Variants in SPTBN5 observed in about 807,000 individuals in gnomAD.
The protein encoded by SPTBN5 is spectrin beta, non-erythrocytic 5.
SPTBN5 carries 513 observed loss-of-function variants against 477.6 expected under a neutral mutation model. The ratio of observed to expected loss-of-function variants is 1.07; its 90% CI spans 1.00 to 1.16. The LOEUF (loss-of-function observed/expected upper bound fraction) is 1.16. Ranked by LOEUF, SPTBN5 falls within the 50% of genes most tolerant of loss-of-function variation. The pLI, the probability that SPTBN5 is intolerant of heterozygous loss-of-function variation, is 0.00. For missense variants in SPTBN5, 5,062 were observed against 4,731.8 expected (o/e 1.07, Z -2.05); for synonymous variants, 2,169 against 2,011.7 (o/e 1.08, Z -2.09).
chr15:41,882,232 G>GGCCCCCCCCCCCCCCCCCCCCCCCCCCC, intron 11 of SPTBN5, 37 bp downstream of exon 11: 1 of 1,254,138 alleles, frequency 8.0e-7, no homozygotes. Flanking sequence ...GCCTCGCCGG[G>GGCCCCCCCCCCCCCCCCCCCCCCCCCCC]CCCCGCCCCC....
chr15:41,864,805 G>T (rs1290432941), intron 39 of SPTBN5, among the ~76,000 whole-genome samples: 1 of 152,244 alleles, frequency 6.6e-6, no homozygotes, highest in East Asian at 1.9e-4. Flanking sequence ...CCACCGCAGG[G>T]TGTGATTGCA....
chr15:41,886,238 G>A lies in SPTBN5; in HGVS notation c.1017C>T (p.Pro339=), dbSNP rs778870377. ...LEARDFPDSL[P]AMRQLLAAFT... is the part of the protein sequence containing the mutation. ...ATGCTGCCAGTAGCTGCCGCATGGC[G>A]GGCAGCGAGTCTGGAAAATCCCGCG... Residue 339 remains proline (P), a synonymous_variant, in exon 7 of 68, where the codon CCC becomes CCT. Coordinates refer to ENST00000320955, the MANE Select transcript of SPTBN5 (RefSeq NM_016642.4). 74 of 1,613,004 alleles carry A rather than the reference G, an allele frequency of 4.6e-5. No homozygotes were observed. The highest frequency in any genetic ancestry group is 4.1e-4 in the South Asian group (37 of 91,094).
chr15:41,879,634 C>G, intron 15 of SPTBN5, 100 bp downstream of exon 15: 1 of 1,587,956 alleles, frequency 6.3e-7, no homozygotes, highest in Admixed American at 1.7e-5. Flanking sequence ...TCGGACACGT[C>G]CAGCCTCTCC....
rs2066938314 is a variant in SPTBN5 at position 41,881,194 on chromosome 15, T to A, written c.2498A>T (p.Asn833Ile). Residue 833 changes from asparagine to isoleucine, a missense_variant, in exon 13 of 68, where the codon AAC becomes ATC. Transcript: ENST00000320955. ...GGAAGCCTCACTCCAGGGCCCTGGG[T>A]TCCTCAGGCTTTCTCCTGGAGGGCT... is the stretch of plus-strand genomic sequence containing the variant. Reference protein sequence around the residue: ...ALSPPGESLRNPGPWSEASCH... With the variant: ...ALSPPGESLRIPGPWSEASCH... 1.9e-6 allele frequency: 3 copies of A among 1,612,368 alleles called. No individual in the cohort carries two copies. The highest frequency in any genetic ancestry group is 2.7e-5 in the African/African-American group (2 of 75,012).
Position 41,876,123 on chromosome 15 carries a change from G to A in SPTBN5, c.4113C>T (p.Ala1371=). The A allele has an allele frequency of 6.3e-7, 1 of 1,599,804 alleles. No individual in the cohort carries two copies. Among genetic ancestry groups the A allele is most frequent in the South Asian group, 1.1e-5 (1 of 91,020 alleles). Residue 1371 remains alanine, a synonymous_variant, in exon 21 of 68, where the codon GCC becomes GCT. Transcript: ENST00000320955. The part of the protein sequence containing the change: ...ELLATRRHVE[A]LQQVGRELLS... The stretch of plus-strand genomic sequence containing the variant: ...GTCCCGTGTCCCCCACCTGCTGCAG[G>A]GCCTCCACGTGTCTGCGGGTGGCGA...
intron 47 of SPTBN5, among the ~76,000 whole-genome samples, chr15:41,859,853 C>A (rs1414386963): frequency 6.6e-6 from 1 of 152,198 alleles, no homozygotes; most frequent in Non-Finnish European, 1.5e-5. Context: ...GCCAGGACAC[C>A]AGCACAAGGA....
intron 50 of SPTBN5, 35 bp downstream of exon 50, chr15:41,857,538 C>G (rs1213541239): frequency 6.2e-7 from 1 of 1,603,834 alleles, no homozygotes; most frequent in South Asian, 1.1e-5. Flanking sequence ...TGTCCTGGAG[C>G]CCGGCCAGCC....
Position 41,851,149 on chromosome 15 carries a change from T to C in SPTBN5, c.10745A>G (p.Lys3582Arg), listed in dbSNP as rs755412286. The change falls in exon 65 of 68, where the codon AAA (lysine) becomes AGA (arginine). Residue 3582 changes from lysine (K) to arginine (R), a missense_variant and splice_region_variant. Physicochemically the swap from Lys to Arg is conservative, Grantham distance 26. Coordinates refer to ENST00000320955, the MANE Select transcript of SPTBN5 (RefSeq NM_016642.4). Reference sequence around the variant, plus strand: ...GTCAAGGAGGGCTATGGAAGCTACTTTCTGAGGAGAGATGAGAGGCAGGGG... The same window carrying C: ...GTCAAGGAGGGCTATGGAAGCTACTCTCTGAGGAGAGATGAGAGGCAGGGG... ...LFLDERMAAE[K>R]VASIALLDLT... The C allele has an allele frequency of 3.7e-6, 6 of 1,612,818 alleles. No individual in the cohort carries two copies. In the South Asian group the frequency reaches 6.6e-5, roughly 18 times the overall value.
chr15:41,887,804 T>C (rs2067201756), intron 5 of SPTBN5, 124 bp downstream of exon 5: 2 of 1,026,346 alleles, frequency 1.9e-6, no homozygotes, highest in Non-Finnish European at 2.8e-6. Flanking sequence ...CAGCCCTTTC[T>C]ACATCTGTGT....
At chr15:41,890,764 A>C (rs898411719) in intron 3 of SPTBN5, among the ~76,000 whole-genome samples, 76 of 152,310 alleles carry the variant, frequency 5.0e-4, no homozygotes, top group African/African-American at 1.6e-3. Flanking sequence ...CACTTGAACA[A>C]CACCTTGGGT....
At chr15:41,878,737 C>T in intron 16 of SPTBN5, 108 bp from the exon 17 acceptor site, 1 of 1,259,086 alleles carries the variant, frequency 7.9e-7, no homozygotes, top group Non-Finnish European at 1.1e-6. Context: ...GGTGCTGACT[C>T]TCAATGCCCA....
chr15:41,866,116 G>GC lies in SPTBN5; in HGVS notation c.6743dup (p.Gln2249ProfsTer34), dbSNP rs1453748038. 9 of 1,557,490 alleles carry GC rather than the reference G, an allele frequency of 5.8e-6. No individual in the cohort carries two copies. Among genetic ancestry groups the GC allele is most frequent in the Non-Finnish European group, 7.8e-6 (9 of 1,151,500 alleles). The stretch of plus-strand genomic sequence containing the variant: ...AGTTCCGCCTGTCCTCCAGCTCCTG[G>GC]CCCCTGAGGGCCATTGCCTGCCTCA... On this transcript the variant is annotated frameshift_variant, in exon 38 of 68. Coordinates refer to ENST00000320955, the MANE Select transcript of SPTBN5 (RefSeq NM_016642.4). LOFTEE classifies it high-confidence loss of function.
intron 33 of SPTBN5, 41 bp downstream of exon 33, chr15:41,868,357 G>A (rs531495757): frequency 4.4e-6 from 7 of 1,581,206 alleles, no homozygotes; most frequent in Middle Eastern, 2.0e-4. Flanking sequence ...CACAGGCTTG[G>A]TCAGCTAGGG....
chr15:41,893,304 T>C lies in SPTBN5; in HGVS notation c.194A>G (p.Asn65Ser). 6.2e-7 allele frequency: 1 copy of C among 1,614,016 alleles called. No individual in the cohort carries two copies. Among genetic ancestry groups the C allele is most frequent in the Non-Finnish European group, 8.5e-7 (1 of 1,179,898 alleles). Residue 65 changes from asparagine (N) to serine (S), a missense_variant, in exon 2 of 68, where the codon AAT (asparagine) becomes AGT (serine). By Grantham distance (46) the Asn-to-Ser change is conservative. Coordinates refer to ENST00000320955, the MANE Select transcript of SPTBN5 (RefSeq NM_016642.4). ...CACCTGGCCGCACTGGAAGACGTTA[T>C]TGATCCACTTGGTGAAAGTCTTCTC... ...MQEKTFTKWI[N>S]NVFQCGQAGI...
intron 7 of SPTBN5, among the ~76,000 whole-genome samples, chr15:41,883,925 G>A (rs1238080452): frequency 2.0e-5 from 3 of 151,988 alleles, no homozygotes; most frequent in African/African-American, 7.3e-5. Context: ...TGAGTAGCTG[G>A]GATTACAGGC....
intron 41 of SPTBN5, 71 bp downstream of exon 41, chr15:41,863,633 C>A: frequency 8.0e-7 from 1 of 1,252,724 alleles, no homozygotes; most frequent in Admixed American, 1.7e-5. Flanking sequence ...GCATGGGAGA[C>A]TCTAGGCAGT....
Position 41,852,724 on chromosome 15 carries a change from T to TGACACTGA in SPTBN5, c.10351_10358dup (p.Asp3454GlnfsTer15), listed in dbSNP as rs960233507. ...GTCTGTGCAGCAGCAACTCCACATC[T>TGACACTGA]GACACTGAGTGCTGGGGAGAAGCAT... On this transcript the variant is annotated frameshift_variant, in exon 61 of 68. Coordinates refer to ENST00000320955, the MANE Select transcript of SPTBN5 (RefSeq NM_016642.4). LOFTEE classifies it high-confidence loss of function. The TGACACTGA allele has an allele frequency of 6.2e-7, 1 of 1,611,884 alleles. No individual in the cohort carries two copies. The highest frequency in any genetic ancestry group is 1.3e-5 in the African/African-American group (1 of 74,624).
intron 41 of SPTBN5, among the ~76,000 whole-genome samples, chr15:41,863,392 G>T (rs2066184005): frequency 6.6e-6 from 1 of 152,234 alleles, no homozygotes; most frequent in South Asian, 2.1e-4. Flanking sequence ...GGCTTCCTCA[G>T]GGATGGGAGG....
At chr15:41,854,418 G>A (rs931750841) in intron 56 of SPTBN5, among the ~76,000 whole-genome samples, 3 of 143,760 alleles carry the variant, frequency 2.1e-5, no homozygotes, top group Admixed American at 1.4e-4. Flanking sequence ...GGAGGGTGGG[G>A]AGAGGAGAGG....
Sources: allele counts gnomAD v4.1 joint callset (sites outside exome capture counted in the v4.1 genomes callset), GRCh38; gene constraint gnomAD v4.1.1; transcripts MANE v1.5; gene names NCBI Gene and HGNC (gene_info 2026-07-23, HGNC 2026-07-21).